PLEKHA5: variants seen among roughly 807,000 people sequenced by gnomAD.
The protein encoded by PLEKHA5 is pleckstrin homology domain-containing family A member 5.
In PLEKHA5, 55 loss-of-function variants were observed where a neutral mutation model predicts 181.9. The observed-to-expected ratio is 0.30, with a 90% confidence interval of 0.24 to 0.38. PLEKHA5 has a LOEUF of 0.38. Among genes scored for constraint, PLEKHA5 ranks in the 10% least tolerant of loss-of-function variants. The probability of loss-of-function intolerance (pLI) is 1.00; values close to 1 mark genes in which losing one functional copy is unlikely to be tolerated. For synonymous variants in PLEKHA5, 535 were observed against 529.4 expected (o/e 1.01, Z -0.15); for missense variants, 1,432 against 1,549.5 (o/e 0.92, Z 1.27).
chr12:19,133,958 G>T (rs554203975), intron 3 of PLEKHA5, among the ~76,000 whole-genome samples: 1 of 152,088 alleles, frequency 6.6e-6, no homozygotes, highest in East Asian at 1.9e-4. Flanking sequence ...AAGAAAAACA[G>T]TTTTTTCATT....
chr12:19,278,817 C>T (rs576075451), intron 11 of PLEKHA5, among the ~76,000 whole-genome samples: 5 of 152,096 alleles, frequency 3.3e-5, no homozygotes, highest in African/African-American at 4.8e-5. Context: ...CTCTCCACCC[C>T]GAAGGCATCG....
chr12:19,259,986 G>A (rs1344742042), intron 6 of PLEKHA5, among the ~76,000 whole-genome samples: 1 of 149,654 alleles, frequency 6.7e-6, no homozygotes, highest in Non-Finnish European at 1.5e-5. Flanking sequence ...TTTTTTTTTG[G>A]TATCTGTTTA....
intron 3 of PLEKHA5, among the ~76,000 whole-genome samples, chr12:19,156,825 A>G (rs1001931769): frequency 6.6e-6 from 1 of 151,400 alleles, no homozygotes; most frequent in Admixed American, 6.6e-5. Context: ...CAGGTGGGTC[A>G]CTTGAGATCA....
intron 10 of PLEKHA5, among the ~76,000 whole-genome samples, chr12:19,273,586 T>G (rs963674424): frequency 6.6e-6 from 1 of 152,138 alleles, no homozygotes; most frequent in Non-Finnish European, 1.5e-5. Context: ...CTTGGCAGTT[T>G]CGTGCAGGTT....
At chr12:19,369,556 C>T (rs2095525159) in intron 30 of PLEKHA5, 137 bp from the exon 31 acceptor site, 1 of 372,852 alleles carries the variant, frequency 2.7e-6, no homozygotes, top group Non-Finnish European at 4.8e-6. Context: ...AAGAAAAAAT[C>T]ACAATAGAAC....
chr12:19,289,472 T>C (rs963712636), intron 13 of PLEKHA5, among the ~76,000 whole-genome samples: 1 of 152,152 alleles, frequency 6.6e-6, no homozygotes, highest in Admixed American at 6.6e-5. Context: ...CTTTTTAGCC[T>C]GGAATTTTTA....
At chr12:19,365,460 A>G (rs12825073) in intron 29 of PLEKHA5, among the ~76,000 whole-genome samples, 1 of 152,174 alleles carries the variant, frequency 6.6e-6, no homozygotes, top group Non-Finnish European at 1.5e-5. Context: ...GGACAGATAG[A>G]CCAAGTTCTT....
At chr12:19,271,082 GCATA>G (rs767438974) in intron 10 of PLEKHA5, among the ~76,000 whole-genome samples, 4 of 152,170 alleles carry the variant, frequency 2.6e-5, no homozygotes, top group Non-Finnish European at 5.9e-5. Context: ...TTTGCCACAT[GCATA>G]TTGCAGGATG....
intron 3 of PLEKHA5, among the ~76,000 whole-genome samples, chr12:19,247,056 T>G (rs2063940288): frequency 6.6e-6 from 1 of 152,194 alleles, no homozygotes; most frequent in Non-Finnish European, 1.5e-5. Context: ...GGTTATGATG[T>G]TTTTTAAGGA....
chr12:19,242,021 ATTAC>A (rs1282505630), intron 3 of PLEKHA5, among the ~76,000 whole-genome samples: 2 of 152,142 alleles, frequency 1.3e-5, no homozygotes, highest in Admixed American at 6.5e-5. Flanking sequence ...ATTCACTCAA[ATTAC>A]TTACAGGTGA....
At chr12:19,147,931 C>T (rs188008024) in intron 3 of PLEKHA5, among the ~76,000 whole-genome samples, 58 of 152,252 alleles carry the variant, frequency 3.8e-4, no homozygotes, top group Non-Finnish European at 6.9e-4. Flanking sequence ...GAGATGGGGT[C>T]TCACTATGTT....
intron 3 of PLEKHA5, chr12:19,202,116 T>G: frequency 2.2e-6 from 1 of 460,158 alleles, no homozygotes; most frequent in Non-Finnish European, 2.9e-6. Context: ...TTATTTTCAG[T>G]AGTTTTGCCT....
chr12:19,196,892 G>A (rs2052928343), intron 3 of PLEKHA5, among the ~76,000 whole-genome samples: 1 of 142,760 alleles, frequency 7.0e-6, no homozygotes, highest in South Asian at 2.2e-4. Flanking sequence ...TGAGTTTTTT[G>A]GATTCCAGCA....
intron 3 of PLEKHA5, among the ~76,000 whole-genome samples, chr12:19,222,452 T>C (rs1208968167): frequency 6.6e-6 from 1 of 152,138 alleles, no homozygotes; most frequent in Non-Finnish European, 1.5e-5. Context: ...CACTCACACA[T>C]GCGGACGCCT....
rs1024498703 is a variant in PLEKHA5, at chr12:19,369,872, A to C, written c.*11+74A>C. Reference sequence around the variant, plus strand: ...TATGACTTATCTGTTGGTTTAGTGAATCAAAACTGGGATTAGTTCTGGACT... The same window carrying C: ...TATGACTTATCTGTTGGTTTAGTGACTCAAAACTGGGATTAGTTCTGGACT... On this transcript the variant is annotated intron_variant, in intron 31 of 31. Coordinates refer to ENST00000429027, the MANE Select transcript of PLEKHA5 (RefSeq NM_001256470.2). 7 of 850,302 alleles carry C rather than the reference A, an allele frequency of 8.2e-6. No homozygotes were observed. In the African/African-American group the frequency reaches 1.2e-4, roughly 14 times the overall value. 52.7% of individuals were successfully genotyped at this position (850,302 alleles called of 1,614,324 possible).
At chr12:19,201,574 AACT>A (rs1327177288) in intron 3 of PLEKHA5, 1 of 152,122 alleles carries the variant, frequency 6.6e-6, no homozygotes, top group African/African-American at 2.4e-5. Flanking sequence ...AATGTCTGTC[AACT>A]ACTGTGAATG....
At chr12:19,178,931 A>T (rs1229593396) in intron 3 of PLEKHA5, among the ~76,000 whole-genome samples, 1 of 152,200 alleles carries the variant, frequency 6.6e-6, no homozygotes, top group East Asian at 1.9e-4. Context: ...TGAAACCTAG[A>T]AATCATGTAT....
At chr12:19,297,870 T>A (rs1264963476) in intron 15 of PLEKHA5, among the ~76,000 whole-genome samples, 1 of 151,898 alleles carries the variant, frequency 6.6e-6, no homozygotes, top group Non-Finnish European at 1.5e-5. Flanking sequence ...ATCAGTACAT[T>A]TTTTAAAAAA....
At chr12:19,362,297 GC>G (rs1467286294) in intron 29 of PLEKHA5, among the ~76,000 whole-genome samples, 1 of 152,008 alleles carries the variant, frequency 6.6e-6, no homozygotes, top group East Asian at 1.9e-4. Flanking sequence ...ACTTTGGGAG[GC>G]CAACGGGGGC....
Sources: allele counts gnomAD v4.1 joint callset (sites outside exome capture counted in the v4.1 genomes callset), GRCh38; gene constraint gnomAD v4.1.1; transcripts MANE v1.5; gene names NCBI Gene and HGNC (gene_info 2026-07-23, HGNC 2026-07-21).